PTPRM: variants seen among roughly 807,000 people sequenced by gnomAD.
The protein encoded by PTPRM is protein tyrosine phosphatase receptor type M.
Under a neutral mutation model 186.7 loss-of-function variants are expected in PTPRM, and 47 were observed. The observed-to-expected ratio is 0.25, with a 90% CI of 0.20 to 0.32. PTPRM has a LOEUF of 0.32. Ranked by LOEUF, PTPRM falls within the 10% of genes least tolerant of loss-of-function variation. The pLI, the probability that PTPRM is intolerant of heterozygous loss-of-function variation, is 1.00. For synonymous variants in PTPRM, 668 were observed against 674.9 expected (o/e 0.99, Z 0.16); for missense variants, 1,494 against 1,865.0 (o/e 0.80, Z 3.66).
intron 7 of PTPRM, among the ~76,000 whole-genome samples, chr18:7,965,967 G>T (rs575278945): frequency 1.3e-5 from 2 of 152,250 alleles, no homozygotes; most frequent in African/African-American, 4.8e-5. Flanking sequence ...AGCTAAATAA[G>T]AAGTAAGATA....
At chr18:8,314,730 C>T in intron 20 of PTPRM, 51 bp from the exon 21 acceptor site, 2 of 1,395,730 alleles carry the variant, frequency 1.4e-6, no homozygotes, top group South Asian at 2.4e-5. Flanking sequence ...TCAGAGCCAC[C>T]TACCAGATTG....
intron 1 of PTPRM, among the ~76,000 whole-genome samples, chr18:7,762,583 G>T (rs1361548498): frequency 6.6e-6 from 1 of 152,142 alleles, no homozygotes; most frequent in Admixed American, 6.5e-5. Context: ...TTTTAAGTAG[G>T]GAGAGAGCAT....
chr18:8,378,517 C>A (rs2148497974), intron 27 of PTPRM, 103 bp downstream of exon 27: 1 of 1,410,870 alleles, frequency 7.1e-7, no homozygotes, highest in Non-Finnish European at 9.7e-7. Flanking sequence ...GGTTCCTTGG[C>A]CTCCATAGCA....
At chr18:7,898,229 T>A (rs534271163) in intron 3 of PTPRM, among the ~76,000 whole-genome samples, 11 of 152,352 alleles carry the variant, frequency 7.2e-5, no homozygotes, top group African/African-American at 2.6e-4. Context: ...CTTTGCATTT[T>A]ATTTAAATCA....
intron 7 of PTPRM, among the ~76,000 whole-genome samples, chr18:8,040,359 G>GT (rs2086616958): frequency 6.6e-6 from 1 of 152,132 alleles, no homozygotes; most frequent in Non-Finnish European, 1.5e-5. Context: ...CTGTAGGATG[G>GT]TTGGGTATGA....
At chr18:7,730,129 G>C (rs570230103) in intron 1 of PTPRM, among the ~76,000 whole-genome samples, 3 of 152,264 alleles carry the variant, frequency 2.0e-5, no homozygotes, top group African/African-American at 7.2e-5. Flanking sequence ...CCTTGTAAAT[G>C]AAAGTGGCCT....
At chr18:7,886,834 G>T (rs1195821148) in intron 2 of PTPRM, among the ~76,000 whole-genome samples, 2 of 152,184 alleles carry the variant, frequency 1.3e-5, no homozygotes, top group African/African-American at 4.8e-5. Context: ...CTTAATCGGT[G>T]AAGGATATCT....
chr18:8,107,726 A>T (rs1028413882), intron 11 of PTPRM, among the ~76,000 whole-genome samples: 101 of 152,242 alleles, frequency 6.6e-4, no homozygotes, highest in African/African-American at 2.3e-3. Context: ...AGTTGCTAAT[A>T]TAGAATATTC....
At chr18:8,083,072 C>T (rs1252344492) in intron 9 of PTPRM, among the ~76,000 whole-genome samples, 1 of 151,948 alleles carries the variant, frequency 6.6e-6, no homozygotes, top group East Asian at 1.9e-4. Context: ...ATTCCAAGCC[C>T]CTGTATTTTC....
intron 6 of PTPRM, among the ~76,000 whole-genome samples, chr18:7,954,645 C>T (rs1483731873): frequency 6.6e-6 from 1 of 152,008 alleles, no homozygotes; most frequent in African/African-American, 2.4e-5. Flanking sequence ...AATACTACTA[C>T]TTGAGAGAAC....
At chr18:8,154,684 GA>G (rs2093083140) in intron 14 of PTPRM, 1 of 152,194 alleles carries the variant, frequency 6.6e-6, no homozygotes, top group Non-Finnish European at 1.5e-5. Context: ...GCTTTTAACA[GA>G]AAATGTAAAG....
In PTPRM at chr18:7,668,216, C is replaced by T. The variant is rs1466195150; in HGVS notation, c.73+100325C>T. Among the ~76,000 whole-genome samples the T allele has an allele frequency of 1.3e-5, 2 of 152,070 alleles. No homozygotes were observed. Among genetic ancestry groups the T allele is most frequent in the African/African-American group, 2.4e-5 (1 of 41,404 alleles). ...TGAGGAGCTGCACCACGGTGGTGCC[C>T]GCAGACGCTGCTTCGTGTCCCCCAT... is the stretch of plus-strand genomic sequence containing the variant. On this transcript the variant is annotated intron_variant, in intron 1 of 32. Coordinates refer to ENST00000580170, the MANE Select transcript of PTPRM (RefSeq NM_001105244.2). This position sits in a 1 kb window ranked among gnomAD's most constrained non-coding sequence, Gnocchi z 4.7.
Position 8,027,744 on chromosome 18 carries a change from CTA to C in PTPRM, c.1133-41940_1133-41939del, listed in dbSNP as rs1159749559. 2.6e-5 allele frequency among the ~76,000 whole-genome samples: 4 copies of C among 152,238 alleles called. No individual in the cohort carries two copies. The East Asian group carries it at 7.7e-4, about 29-fold the overall frequency. On this transcript the variant is annotated intron_variant, in intron 7 of 32. Transcript: ENST00000580170. The stretch of plus-strand genomic sequence containing the variant: ...AGATAAAGAAGATCCAAGTGAAAAA[CTA>C]TCAATTTACTGCAGTTTTAGAAAAA...
At chr18:7,791,898 C>A (rs987975607) in intron 2 of PTPRM, among the ~76,000 whole-genome samples, 6 of 152,146 alleles carry the variant, frequency 3.9e-5, no homozygotes, top group Non-Finnish European at 2.9e-5. Context: ...ACAACTAGAT[C>A]TTACACAAGT....
chr18:7,760,049 T>C (rs913527587), intron 1 of PTPRM, among the ~76,000 whole-genome samples: 31 of 152,186 alleles, frequency 2.0e-4, no homozygotes, highest in Admixed American at 6.5e-5. Context: ...TCTTACTTTT[T>C]CACAATAGAT....
chr18:7,737,909 A>G (rs896929700), intron 1 of PTPRM, among the ~76,000 whole-genome samples: 1 of 152,182 alleles, frequency 6.6e-6, no homozygotes, highest in Non-Finnish European at 1.5e-5. Context: ...TGGCCAGTTC[A>G]GGGTACTGTA....
intron 1 of PTPRM, among the ~76,000 whole-genome samples, chr18:7,736,606 C>CTA (rs144359267): frequency 0.054 from 8,158 of 152,190 alleles, 559 homozygotes; most frequent in African/African-American, 0.15. Flanking sequence ...GCTCACAACA[C>CTA]TAAAGATTTC....
chr18:8,088,878 C>G lies in PTPRM; in HGVS notation c.1856+27C>G, dbSNP rs1203720439. ...TATGGAACAGAGGGTTGGGCCGGCT[C>G]TAGATAGAAGAAAACTAAATCAAGT... On this transcript the variant is annotated intron_variant, in intron 11 of 32. Coordinates refer to ENST00000580170, the MANE Select transcript of PTPRM (RefSeq NM_001105244.2). The G allele has an allele frequency of 3.3e-6, 5 of 1,525,022 alleles. No homozygotes were observed. The African/African-American group carries it at 5.5e-5, about 17-fold the overall frequency. 94.5% of individuals were successfully genotyped at this position (1,525,022 alleles called of 1,614,324 possible). A position where few individuals can be genotyped will look rare whatever the true frequency, so the allele number is the denominator to read the frequency against.
chr18:8,206,606 A>G (rs1190179449), intron 14 of PTPRM, among the ~76,000 whole-genome samples: 1 of 152,168 alleles, frequency 6.6e-6, no homozygotes, highest in African/African-American at 2.4e-5. Context: ...ATTCAAATTC[A>G]CATACTTTAA....
Sources: allele counts gnomAD v4.1 joint callset (sites outside exome capture counted in the v4.1 genomes callset), GRCh38; gene constraint gnomAD v4.1.1; non-coding constraint Gnocchi (gnomAD v3.1); transcripts MANE v1.5; gene names NCBI Gene and HGNC (gene_info 2026-07-23, HGNC 2026-07-21).